GRM3: variants seen among roughly 807,000 people sequenced by gnomAD.
GRM3 encodes the protein metabotropic glutamate receptor 3.
GRM3 carries 26 observed loss-of-function variants against 70.5 expected under a neutral mutation model. The ratio of observed to expected loss-of-function variants is 0.37; its 90% CI spans 0.27 to 0.51. The LOEUF is 0.51. Ranked by LOEUF, GRM3 falls within the 20% of genes least tolerant of loss-of-function variation. The pLI, the probability that GRM3 is intolerant of heterozygous loss-of-function variation, is 0.93. For missense variants in GRM3, 859 were observed against 1,123.8 expected (o/e 0.76, Z 3.37); for synonymous variants, 443 against 434.9 (o/e 1.02, Z -0.23).
At chr7:86,657,061 T>A (rs1179368283) in intron 1 of GRM3, among the ~76,000 whole-genome samples, 1 of 152,212 alleles carries the variant, frequency 6.6e-6, no homozygotes, top group Non-Finnish European at 1.5e-5. Flanking sequence ...ATCTTAATTT[T>A]AATCCATAAA....
At chr7:86,668,747 C>G (rs183360998) in intron 1 of GRM3, among the ~76,000 whole-genome samples, 14 of 152,142 alleles carry the variant, frequency 9.2e-5, no homozygotes, top group African/African-American at 3.1e-4. Context: ...CTCATTCCCA[C>G]CTGCCATGCA....
In GRM3 at chr7:86,710,438, G is replaced by C. The variant is rs564275772; in HGVS notation, c.-140-54568G>C. ...TTACGTTTATGTTTTATATTTACTG[G>C]GAAAGCAGATAGCCCAGGAAAAGTT... On this transcript the variant is annotated intron_variant, in intron 1 of 5. Coordinates refer to ENST00000361669, the MANE Select transcript of GRM3 (RefSeq NM_000840.3). Among the ~76,000 whole-genome samples the C allele has an allele frequency of 2.7e-5, 4 of 150,038 alleles. No individual in the cohort carries two copies. In the East Asian group the frequency reaches 7.8e-4, roughly 29 times the overall value.
At chr7:86,720,431 T>A (rs1468871765) in intron 1 of GRM3, among the ~76,000 whole-genome samples, 2 of 151,980 alleles carry the variant, frequency 1.3e-5, no homozygotes, top group African/African-American at 2.4e-5. Context: ...TGAATGAAAG[T>A]TGGAATAGTG....
At chr7:86,736,784 T>G (rs963436446) in intron 1 of GRM3, among the ~76,000 whole-genome samples, 1 of 152,192 alleles carries the variant, frequency 6.6e-6, no homozygotes, top group Non-Finnish European at 1.5e-5. Context: ...GGCTAGGAAC[T>G]ATGATCTTAC....
intron 3 of GRM3, among the ~76,000 whole-genome samples, chr7:86,795,191 G>T (rs1797519062): frequency 6.6e-6 from 1 of 151,598 alleles, no homozygotes; most frequent in African/African-American, 2.4e-5. Flanking sequence ...TTTTAGAGTG[G>T]GGTTAACACA....
At chr7:86,846,528 A>G (rs1798659245) in intron 4 of GRM3, among the ~76,000 whole-genome samples, 2 of 152,182 alleles carry the variant, frequency 1.3e-5, no homozygotes, top group Non-Finnish European at 2.9e-5. Context: ...AAATGTTAGT[A>G]CTAGTTATTA....
intron 1 of GRM3, among the ~76,000 whole-genome samples, chr7:86,716,698 T>A (rs1445546252): frequency 3.5e-5 from 5 of 143,720 alleles, no homozygotes; most frequent in African/African-American, 1.3e-4. Context: ...AAAAAAAAAA[T>A]AGTTTCTGCT....
At chr7:86,833,939 T>A (rs1282805498) in intron 3 of GRM3, among the ~76,000 whole-genome samples, 1 of 152,178 alleles carries the variant, frequency 6.6e-6, no homozygotes. Flanking sequence ...ACAAAACAAA[T>A]TTAGTAAAAG....
At chr7:86,757,094 C>T (rs141870542) in intron 1 of GRM3, among the ~76,000 whole-genome samples, 6 of 152,188 alleles carry the variant, frequency 3.9e-5, no homozygotes, top group East Asian at 3.9e-4. Context: ...GTTGTGTTTT[C>T]GAACATATTT....
At chr7:86,852,265 T>G (rs1798768689) in intron 5 of GRM3, among the ~76,000 whole-genome samples, 1 of 152,168 alleles carries the variant, frequency 6.6e-6, no homozygotes, top group African/African-American at 2.4e-5. Flanking sequence ...GAACTTTTGC[T>G]TGTTATTAGA....
chr7:86,751,954 T>C (rs1408958529), intron 1 of GRM3, among the ~76,000 whole-genome samples: 1 of 152,128 alleles, frequency 6.6e-6, no homozygotes, highest in Non-Finnish European at 1.5e-5. Context: ...TTTTAAAAAA[T>C]GCACAGCCAC....
chr7:86,660,934 T>C (rs1229934382), intron 1 of GRM3, among the ~76,000 whole-genome samples: 2 of 151,980 alleles, frequency 1.3e-5, no homozygotes, highest in East Asian at 1.9e-4. Context: ...TTAAATTTGG[T>C]ATTAGCTAGA....
chr7:86,770,989 A>C (rs2116442182), intron 2 of GRM3, among the ~76,000 whole-genome samples: 1 of 152,228 alleles, frequency 6.6e-6, no homozygotes, highest in East Asian at 1.9e-4. Flanking sequence ...TTGTCATCTA[A>C]AAATGTTTCC....
At chr7:86,665,504 G>T (rs1004146767) in intron 1 of GRM3, among the ~76,000 whole-genome samples, 10 of 152,024 alleles carry the variant, frequency 6.6e-5, no homozygotes, top group African/African-American at 2.2e-4. Flanking sequence ...CTTTGCCCTA[G>T]TAGTAACAAT....
At chr7:86,762,224 A>T (rs1049511844) in intron 1 of GRM3, among the ~76,000 whole-genome samples, 7 of 152,122 alleles carry the variant, frequency 4.6e-5, no homozygotes, top group East Asian at 1.9e-4. Flanking sequence ...TCAACTTTTT[A>T]AAAAAATTAT....
At chr7:86,813,369 T>C (rs914598854) in intron 3 of GRM3, among the ~76,000 whole-genome samples, 3 of 151,812 alleles carry the variant, frequency 2.0e-5, no homozygotes, top group South Asian at 2.1e-4. Context: ...AATCTCTCAA[T>C]CTGTTTAGAG....
chr7:86,677,493 C>T (rs1029256605), intron 1 of GRM3, among the ~76,000 whole-genome samples: 3 of 151,910 alleles, frequency 2.0e-5, no homozygotes, highest in Non-Finnish European at 2.9e-5. Flanking sequence ...ATTTGGTCAC[C>T]AAACCTGTGC....
intron 3 of GRM3, among the ~76,000 whole-genome samples, chr7:86,795,579 G>A (rs1339902714): frequency 2.6e-5 from 4 of 151,998 alleles, no homozygotes; most frequent in Admixed American, 2.0e-4. Flanking sequence ...TGGCTTTCAT[G>A]TCCATGCAAA....
intron 1 of GRM3, among the ~76,000 whole-genome samples, chr7:86,645,993 GGGGGTGGGGGGGT>G (rs1471182509): frequency 5.0e-5 from 1 of 20,026 alleles, no homozygotes; most frequent in African/African-American, 1.7e-4. Flanking sequence ...GCGGGGGGGT[GGGGGTGGGGGGGT>G]GGGGGGGGGT....
Sources: gnomAD v4.1 joint callset for allele counts (sites outside exome capture counted in the v4.1 genomes callset) on GRCh38, gnomAD v4.1.1 for gene constraint, MANE v1.5 for transcripts, NCBI Gene and HGNC (gene_info 2026-07-23, HGNC 2026-07-21) for gene names.